STX3: variants seen among roughly 807,000 people sequenced by gnomAD.
The protein encoded by STX3 is syntaxin 3.
In STX3, 19 loss-of-function variants were observed where a neutral mutation model predicts 40.2. The ratio of observed to expected loss-of-function variants is 0.47; its 90% CI spans 0.33 to 0.69. The LOEUF (loss-of-function observed/expected upper bound fraction) is 0.69, where lower values mean the gene tolerates loss of function less well. Among genes scored for constraint, STX3 ranks in the 30% least tolerant of loss-of-function variants. The pLI is 0.02. For synonymous variants in STX3, 122 were observed against 132.2 expected (o/e 0.92, Z 0.53); for missense variants, 364 against 366.7 (o/e 0.99, Z 0.06).
intron 2 of STX3, among the ~76,000 whole-genome samples, chr11:59,786,050 C>A (rs887019275): frequency 1.3e-5 from 2 of 152,104 alleles, no homozygotes; most frequent in Admixed American, 1.3e-4. Context: ...ATACTCACAG[C>A]CTTGTACAAT....
Position 59,756,443 on chromosome 11 carries a change from C to A in STX3, c.30+808C>A, listed in dbSNP as rs562036255. On this transcript the variant is annotated intron_variant, in intron 1 of 10. Coordinates refer to ENST00000337979, the MANE Select transcript of STX3 (RefSeq NM_004177.5). Reference sequence around the variant, plus strand: ...TCAGTACATAATTATTGAGTGTATTCTATGGGGAGGTCCAGTGCTAAGCCT... The same window carrying A: ...TCAGTACATAATTATTGAGTGTATTATATGGGGAGGTCCAGTGCTAAGCCT... 4.6e-5 allele frequency among the ~76,000 whole-genome samples: 7 copies of A among 152,268 alleles called. No homozygotes were observed. The South Asian group carries it at 1.5e-3, about 32-fold the overall frequency.
intron 5 of STX3, 41 bp downstream of exon 5, chr11:59,790,627 C>T: frequency 6.8e-7 from 1 of 1,476,820 alleles, no homozygotes; most frequent in Non-Finnish European, 9.5e-7. Context: ...AGTCCAATCT[C>T]TTATTGTTTT....
intron 10 of STX3, among the ~76,000 whole-genome samples, chr11:59,798,759 C>A (rs371550349): frequency 5.3e-5 from 8 of 151,996 alleles, no homozygotes; most frequent in African/African-American, 1.7e-4. Context: ...GGTGATCCAC[C>A]CGCCTCGGCC....
At chr11:59,789,811 A>G (rs972715915) in intron 4 of STX3, among the ~76,000 whole-genome samples, 1 of 152,078 alleles carries the variant, frequency 6.6e-6, no homozygotes, top group Admixed American at 6.5e-5. Flanking sequence ...GTCTACAGAT[A>G]TTTCTTGGTG....
intron 10 of STX3, among the ~76,000 whole-genome samples, chr11:59,798,893 T>G (rs1865700383): frequency 6.7e-6 from 1 of 149,532 alleles, no homozygotes; most frequent in South Asian, 2.1e-4. Context: ...AAACAAACAA[T>G]TTTTTTTTGT....
chr11:59,793,335 C>T (rs1224308949), intron 7 of STX3, 45 bp from the exon 8 acceptor site: 1 of 1,602,770 alleles, frequency 6.2e-7, no homozygotes. Flanking sequence ...CAGGGGCAGC[C>T]TTTCTTGCAG....
chr11:59,762,992 G>A (rs898778639), intron 1 of STX3, among the ~76,000 whole-genome samples: 2 of 152,090 alleles, frequency 1.3e-5, no homozygotes, highest in Admixed American at 6.5e-5. Flanking sequence ...TTGAATTCAG[G>A]CAAGGTTGGG....
At chr11:59,758,607 G>T (rs545222742) in intron 1 of STX3, among the ~76,000 whole-genome samples, 1 of 152,254 alleles carries the variant, frequency 6.6e-6, no homozygotes, top group East Asian at 1.9e-4. Flanking sequence ...GACTCACCTG[G>T]TCTCATCTCA....
At chr11:59,792,507 CTGTT>C (rs1865249395) in intron 6 of STX3, among the ~76,000 whole-genome samples, 2 of 152,144 alleles carry the variant, frequency 1.3e-5, no homozygotes, top group Non-Finnish European at 1.5e-5. Context: ...ATTTTGCTGT[CTGTT>C]TGACAGCAAA....
At chr11:59,755,911 G>C (rs1419520513) in intron 1 of STX3, among the ~76,000 whole-genome samples, 1 of 152,262 alleles carries the variant, frequency 6.6e-6, no homozygotes, top group African/African-American at 2.4e-5. Context: ...GGTTCCCGAA[G>C]CGGGTGCTTG....
At chr11:59,782,397 A>G (rs1244334911) in intron 2 of STX3, among the ~76,000 whole-genome samples, 1 of 152,266 alleles carries the variant, frequency 6.6e-6, no homozygotes, top group East Asian at 1.9e-4. Flanking sequence ...ACAAATGTGC[A>G]GTAATTGCTG....
At chr11:59,781,085 C>CTTTTTTT (rs67745750) in intron 2 of STX3, among the ~76,000 whole-genome samples, 2 of 116,032 alleles carry the variant, frequency 1.7e-5, no homozygotes, top group African/African-American at 6.7e-5. Flanking sequence ...CATTTGTTTT[C>CTTTTTTT]TTTTTTTTTT....
intron 2 of STX3, among the ~76,000 whole-genome samples, chr11:59,782,759 G>A (rs529314360): frequency 7.9e-5 from 12 of 152,040 alleles, no homozygotes; most frequent in Non-Finnish European, 1.5e-4. Context: ...TTGGGAGGCC[G>A]AGGTGGGCGG....
chr11:59,757,995 A>G (rs1862819692), intron 1 of STX3, among the ~76,000 whole-genome samples: 1 of 152,178 alleles, frequency 6.6e-6, no homozygotes, highest in Non-Finnish European at 1.5e-5. Context: ...ACCTGCATGA[A>G]ACAAATTGCA....
At chr11:59,759,889 C>T (rs528795112) in intron 1 of STX3, among the ~76,000 whole-genome samples, 26 of 152,160 alleles carry the variant, frequency 1.7e-4, no homozygotes, top group Non-Finnish European at 2.8e-4. Context: ...AAATATTTAT[C>T]GAGCCGCTTT....
At chr11:59,773,032 C>T (rs1429008095) in intron 1 of STX3, among the ~76,000 whole-genome samples, 179 bp from the exon 2 acceptor site, 1 of 150,088 alleles carries the variant, frequency 6.7e-6, no homozygotes, top group African/African-American at 2.5e-5. Flanking sequence ...ATTGGTAGAG[C>T]TAGGATTTAA....
intron 1 of STX3, among the ~76,000 whole-genome samples, chr11:59,769,528 G>A (rs372285322): frequency 3.7e-4 from 56 of 152,296 alleles, no homozygotes; most frequent in African/African-American, 1.3e-3. Context: ...GGAAACAGCA[G>A]GTTTTGGATC....
At chr11:59,772,278 A>C (rs1171343517) in intron 1 of STX3, among the ~76,000 whole-genome samples, 1 of 152,258 alleles carries the variant, frequency 6.6e-6, no homozygotes, top group Non-Finnish European at 1.5e-5. Flanking sequence ...GCTGTGCAGC[A>C]GCTGTCTGGG....
In STX3 at chr11:59,804,299, C is replaced by T. The variant is rs894913648; in HGVS notation, c.*3475C>T. 6.6e-6 allele frequency: 1 copy of T among 152,218 alleles called. No individual in the cohort carries two copies. Among genetic ancestry groups the T allele is most frequent in the African/African-American group, 2.4e-5 (1 of 41,448 alleles). 9.4% of individuals were successfully genotyped at this position (152,218 alleles called of 1,614,324 possible). ...TACATCTGTTTCCTCTTTCAGGCTC[C>T]AGTAGTAGTCTTAAAAGTGAAGTTT... On this transcript the variant is annotated 3_prime_UTR_variant, in exon 11 of 11. Coordinates refer to ENST00000337979, the MANE Select transcript of STX3 (RefSeq NM_004177.5).
Sources: allele counts gnomAD v4.1 joint callset (sites outside exome capture counted in the v4.1 genomes callset), GRCh38; gene constraint gnomAD v4.1.1; transcripts MANE v1.5; gene names NCBI Gene and HGNC (gene_info 2026-07-23, HGNC 2026-07-21).